SPATA45: variants seen among roughly 807,000 people sequenced by gnomAD.
The protein encoded by SPATA45 is spermatogenesis-associated protein 45.
A neutral mutation model predicts 7.0 loss-of-function variants in SPATA45; 5 were observed. That is an observed-to-expected ratio of 0.71 (90% CI 0.37 to 1.50). The LOEUF is 1.50. Among genes scored for constraint, SPATA45 ranks in the 40% most tolerant of loss-of-function variants. The pLI is 0.03. For synonymous variants in SPATA45, 40 were observed against 38.7 expected, an observed-to-expected ratio of 1.03 and a Z score of -0.13; for missense variants, 111 against 114.9, an observed-to-expected ratio of 0.97 and a Z score of 0.16.
intron 2 of SPATA45, among the ~76,000 whole-genome samples, chr1:212,833,007 G>A (rs899848991): frequency 1.3e-5 from 2 of 151,652 alleles, no homozygotes; most frequent in Non-Finnish European, 3.0e-5. Flanking sequence ...CCTTCATTAG[G>A]GAGTGATAAA....
At position 212,835,246 on chromosome 1, in the gene SPATA45, G is replaced by A. The variant is rs149742681; in HGVS notation, c.277+627C>T. On this transcript the variant is annotated intron_variant, in intron 2 of 2. Coordinates refer to ENST00000332912, the MANE Select transcript of SPATA45 (RefSeq NM_001024601.3). ...TTGGTTAAGAATCCTATCATAGGCC[G>A]GGCACGGTGGCTCACGCCTGTAATC... Among the ~76,000 whole-genome samples, 23 of 151,742 alleles carry A rather than the reference G, an allele frequency of 1.5e-4. No homozygotes were observed. The East Asian group carries it at 3.5e-3, about 23-fold the overall frequency.
Position 212,831,929 on chromosome 1 carries a change from C to G in SPATA45, c.278-1668G>C, listed in dbSNP as rs574932208. On this transcript the variant is annotated intron_variant, in intron 2 of 2. Transcript: ENST00000332912. The stretch of plus-strand genomic sequence containing the variant: ...ATATGGGCAGCAATACACCCTCCAT[C>G]CAACACTTCCTATCCCCCACCCTGC... Among the ~76,000 whole-genome samples, 3 of 151,052 alleles carry G rather than the reference C, an allele frequency of 2.0e-5. No homozygotes were observed. The South Asian group carries it at 6.4e-4, about 32-fold the overall frequency.
intron 1 of SPATA45, among the ~76,000 whole-genome samples, chr1:212,838,668 T>C (rs1663629798): frequency 1.3e-5 from 2 of 151,556 alleles, no homozygotes; most frequent in Admixed American, 1.3e-4. Context: ...AAAAAACTTT[T>C]GTTGTTGTTG....
intron 1 of SPATA45, among the ~76,000 whole-genome samples, chr1:212,841,065 C>T (rs1663673716): frequency 6.6e-6 from 1 of 152,146 alleles, no homozygotes; most frequent in Non-Finnish European, 1.5e-5. Context: ...CTCAGCCTCC[C>T]CAGTAGCTGG....
chr1:212,832,664 C>G (rs556257282), intron 2 of SPATA45, among the ~76,000 whole-genome samples: 3 of 151,466 alleles, frequency 2.0e-5, no homozygotes, highest in Non-Finnish European at 4.4e-5. Context: ...GAAAGGAGTA[C>G]AGTGCCTTCC....
At chr1:212,840,851 C>T (rs921502488) in intron 1 of SPATA45, among the ~76,000 whole-genome samples, 1 of 152,030 alleles carries the variant, frequency 6.6e-6, no homozygotes, top group Non-Finnish European at 1.5e-5. Context: ...ATCTCCTGAC[C>T]TCTTGATCTG....
intron 2 of SPATA45, among the ~76,000 whole-genome samples, chr1:212,832,719 T>G (rs183975606): frequency 3.0e-4 from 46 of 151,686 alleles, no homozygotes; most frequent in Non-Finnish European, 5.9e-5. Context: ...ATTATTACCC[T>G]CCTGCATTTC....
chr1:212,830,855 G>A (rs1212802205), intron 2 of SPATA45, among the ~76,000 whole-genome samples: 2 of 150,608 alleles, frequency 1.3e-5, no homozygotes, highest in Non-Finnish European at 3.0e-5. Flanking sequence ...GGTGGGATGC[G>A]CCTGTAGTCC....
chr1:212,846,244 T>C (rs534599339), intron 1 of SPATA45, among the ~76,000 whole-genome samples: 3,491 of 79,860 alleles, frequency 0.044, 63 homozygotes, highest in South Asian at 0.066. Context: ...TAGGTTCCCA[T>C]GCTGCCCCAA....
intron 1 of SPATA45, among the ~76,000 whole-genome samples, chr1:212,842,888 AC>A (rs1234852001): frequency 2.7e-5 from 4 of 150,858 alleles, no homozygotes; most frequent in Non-Finnish European, 5.9e-5. Context: ...GGAGATCAAG[AC>A]CATCCTGGCT....
At chr1:212,842,932 C>CAAAA (rs35856086) in intron 1 of SPATA45, among the ~76,000 whole-genome samples, 8 of 136,770 alleles carry the variant, frequency 5.8e-5, no homozygotes, top group South Asian at 4.6e-4. Context: ...ACTAAAAATA[C>CAAAA]AAAAAAAAAA....
chr1:212,830,809 C>T (rs1663472770), intron 2 of SPATA45, among the ~76,000 whole-genome samples: 1 of 151,330 alleles, frequency 6.6e-6, no homozygotes, highest in Non-Finnish European at 1.5e-5. Flanking sequence ...GTTGAAACCC[C>T]CATCTCTACT....
chr1:212,831,936 T>G (rs1663496070), intron 2 of SPATA45, among the ~76,000 whole-genome samples: 1 of 150,622 alleles, frequency 6.6e-6, no homozygotes, highest in Admixed American at 6.6e-5. Flanking sequence ...CATCCAACAC[T>G]TCCTATCCCC....
chr1:212,830,930 C>T (rs1476305687), intron 2 of SPATA45, among the ~76,000 whole-genome samples: 1 of 151,098 alleles, frequency 6.6e-6, no homozygotes. Context: ...TTGCAGTGAG[C>T]CGAGATCGCA....
chr1:212,837,014 CT>C (rs1663598386), intron 1 of SPATA45, among the ~76,000 whole-genome samples: 1 of 150,762 alleles, frequency 6.6e-6, no homozygotes, highest in African/African-American at 2.4e-5. Context: ...TTTAGGTGTT[CT>C]TCAGGGGAAA....
intron 1 of SPATA45, among the ~76,000 whole-genome samples, chr1:212,840,859 C>T (rs1048568665): frequency 2.0e-5 from 3 of 152,102 alleles, no homozygotes; most frequent in Non-Finnish European, 4.4e-5. Context: ...ACCTCTTGAT[C>T]TGCCCGCCTT....
chr1:212,836,356 G>C (rs1177169258), intron 1 of SPATA45, among the ~76,000 whole-genome samples, 169 bp from the exon 2 acceptor site: 1 of 151,290 alleles, frequency 6.6e-6, no homozygotes, highest in East Asian at 1.9e-4. Context: ...TTTTAGACAG[G>C]GTCTTGCTCT....
chr1:212,841,631 C>CTTTTTTTTTTTTT (rs5780702), intron 1 of SPATA45, among the ~76,000 whole-genome samples: 4 of 125,226 alleles, frequency 3.2e-5, no homozygotes, highest in Non-Finnish European at 5.0e-5. Flanking sequence ...AGGTATCTTT[C>CTTTTTTTTTTTTT]TTTTTTTTTT....
rs1052262765 is a variant in SPATA45 at position 212,837,359 on chromosome 1, C to T, written c.-38-1172G>A. 2.0e-5 allele frequency among the ~76,000 whole-genome samples: 3 copies of T among 151,638 alleles called. 1 individual carries two copies. Among genetic ancestry groups the T allele is most frequent in the Non-Finnish European group, 4.4e-5 (3 of 67,790 alleles). ...TTATTTTTTAAAAGTGGCGGCCAGG[C>T]GCTGTGGCTCATGCCTGTAATCCCA... is the stretch of plus-strand genomic sequence containing the variant. On this transcript the variant is annotated intron_variant, in intron 1 of 2. Coordinates refer to ENST00000332912, the MANE Select transcript of SPATA45 (RefSeq NM_001024601.3).
Sources: allele counts gnomAD v4.1 joint callset (sites outside exome capture counted in the v4.1 genomes callset), GRCh38; gene constraint gnomAD v4.1.1; transcripts MANE v1.5; gene names NCBI Gene and HGNC (gene_info 2026-07-23, HGNC 2026-07-21).